The following MARCHF1 variants were observed in gnomAD, a reference collection of about 807,000 sequenced individuals.
MARCHF1 encodes the protein E3 ubiquitin-protein ligase MARCHF1.
Under a neutral mutation model 54.2 loss-of-function variants are expected in MARCHF1, and 40 were observed. The ratio of observed to expected loss-of-function variants is 0.74; its 90% CI spans 0.57 to 0.96. The LOEUF is 0.96. MARCHF1 is among the 40% of genes least tolerant of loss of function. The probability of loss-of-function intolerance (pLI) is 0.00; values close to 1 mark genes in which losing one functional copy is unlikely to be tolerated. For missense variants in MARCHF1, 586 were observed against 656.5 expected, an observed-to-expected ratio of 0.89 and a Z score of 1.17; for synonymous variants, 236 against 236.3, an observed-to-expected ratio of 1.00 and a Z score of 0.01.
At chr4:163,559,766 C>G (rs527342209) in intron 8 of MARCHF1, among the ~76,000 whole-genome samples, 145 of 152,288 alleles carry the variant, frequency 9.5e-4, no homozygotes, top group African/African-American at 3.2e-3. Flanking sequence ...AGGAGTGTCC[C>G]CTTCCTTGCC....
At chr4:164,181,772 T>C (rs2111015874) in intron 1 of MARCHF1, among the ~76,000 whole-genome samples, 1 of 152,324 alleles carries the variant, frequency 6.6e-6, no homozygotes, top group East Asian at 1.9e-4. Flanking sequence ...CTTAGATTTA[T>C]GATCTTCTTT....
At chr4:164,176,471 T>C (rs1432676255) in intron 1 of MARCHF1, among the ~76,000 whole-genome samples, 1 of 152,164 alleles carries the variant, frequency 6.6e-6, no homozygotes, top group Non-Finnish European at 1.5e-5. Context: ...AGTCATCCCA[T>C]TTTTAAATGA....
chr4:163,882,250 G>T (rs1456306883), intron 3 of MARCHF1, among the ~76,000 whole-genome samples: 4 of 152,186 alleles, frequency 2.6e-5, no homozygotes, highest in Non-Finnish European at 5.9e-5. Context: ...GGATTTGGGG[G>T]TAATAATTGG....
intron 4 of MARCHF1, among the ~76,000 whole-genome samples, chr4:163,800,816 T>G (rs995113300): frequency 1.3e-5 from 2 of 152,104 alleles, no homozygotes; most frequent in African/African-American, 4.8e-5. Context: ...AAAAAATCAT[T>G]GTAAACTTCC....
At chr4:164,312,208 T>G (rs1440841417) in intron 1 of MARCHF1, among the ~76,000 whole-genome samples, 1 of 152,146 alleles carries the variant, frequency 6.6e-6, no homozygotes, top group East Asian at 1.9e-4. Flanking sequence ...TCCCAGAAGC[T>G]TCATGACAAT....
intron 9 of MARCHF1, among the ~76,000 whole-genome samples, chr4:163,532,395 G>A (rs1030146750): frequency 2.0e-5 from 3 of 151,930 alleles, no homozygotes; most frequent in Middle Eastern, 3.4e-3. Context: ...GAATAAATGA[G>A]TCTGTAAACA....
chr4:163,994,711 T>C (rs1753033215), intron 2 of MARCHF1, among the ~76,000 whole-genome samples: 1 of 146,278 alleles, frequency 6.8e-6, no homozygotes, highest in Admixed American at 6.9e-5. Flanking sequence ...AAAGGAGTCC[T>C]GGACCTAACA....
At chr4:163,871,231 G>T (rs564362436) in intron 3 of MARCHF1, among the ~76,000 whole-genome samples, 109 of 152,202 alleles carry the variant, frequency 7.2e-4, no homozygotes, top group African/African-American at 2.4e-3. Context: ...GACAGAGAAG[G>T]TATTTTTCTT....
intron 1 of MARCHF1, among the ~76,000 whole-genome samples, chr4:164,176,975 T>C (rs1182216480): frequency 1.9e-4 from 4 of 20,730 alleles, no homozygotes; most frequent in African/African-American, 4.8e-4. Context: ...TCTCTCTCTC[T>C]CTCTCTATAT....
At chr4:164,018,722 T>C (rs1358115198) in intron 2 of MARCHF1, among the ~76,000 whole-genome samples, 1 of 152,212 alleles carries the variant, frequency 6.6e-6, no homozygotes. Flanking sequence ...TTGACATAAC[T>C]TCTTGATAAA....
At chr4:163,733,258 T>TATACACGTGTATATATATACACAC (rs1554008879) in intron 4 of MARCHF1, among the ~76,000 whole-genome samples, 1 of 45,066 alleles carries the variant, frequency 2.2e-5, no homozygotes, top group South Asian at 7.8e-4. Context: ...TATATATATA[T>TATACACGTGTATATATATACACAC]ACACACACAC....
intron 2 of MARCHF1, among the ~76,000 whole-genome samples, chr4:164,107,033 T>A (rs1278734498): frequency 6.6e-6 from 1 of 152,188 alleles, no homozygotes; most frequent in African/African-American, 2.4e-5. Context: ...AGCATCTTCA[T>A]AAAACCTAAA....
At chr4:163,651,525 CTT>C (rs66848288) in intron 5 of MARCHF1, among the ~76,000 whole-genome samples, 14 of 131,030 alleles carry the variant, frequency 1.1e-4, no homozygotes, top group Non-Finnish European at 1.5e-4. Flanking sequence ...AAGTACCATA[CTT>C]TTTTTTTTTT....
chr4:163,688,032 A>C (rs1359058641), intron 5 of MARCHF1, among the ~76,000 whole-genome samples: 1 of 152,206 alleles, frequency 6.6e-6, no homozygotes, highest in African/African-American at 2.4e-5. Context: ...AGTCAATCCA[A>C]ATAGGCTATG....
intron 1 of MARCHF1, chr4:164,234,754 A>C (rs1472389349): frequency 1.3e-5 from 2 of 152,118 alleles, no homozygotes; most frequent in Non-Finnish European, 2.9e-5. Context: ...CTTAAATCAA[A>C]GGCAGATATA....
At chr4:164,225,536 T>C (rs1256085982) in intron 1 of MARCHF1, among the ~76,000 whole-genome samples, 1 of 152,040 alleles carries the variant, frequency 6.6e-6, no homozygotes, top group African/African-American at 2.4e-5. Flanking sequence ...TAATTATTCC[T>C]TTTAGGTCAT....
chr4:163,741,460 G>A (rs1180130512), intron 4 of MARCHF1, among the ~76,000 whole-genome samples: 1 of 152,044 alleles, frequency 6.6e-6, no homozygotes, highest in East Asian at 1.9e-4. Context: ...GCACATGCCT[G>A]TAATCCCAGC....
intron 3 of MARCHF1, among the ~76,000 whole-genome samples, chr4:163,987,115 A>G (rs1433017003): frequency 6.6e-6 from 1 of 152,192 alleles, no homozygotes; most frequent in Non-Finnish European, 1.5e-5. Context: ...ACCTAACACC[A>G]ACAAACTTAA....
chr4:163,982,468 G>A (rs532815607), intron 3 of MARCHF1, among the ~76,000 whole-genome samples: 43 of 152,174 alleles, frequency 2.8e-4, no homozygotes, highest in Non-Finnish European at 5.7e-4. Flanking sequence ...TAAGCCAGTT[G>A]CTGCACAGGT....
Sources: gnomAD v4.1 joint callset for allele counts (sites outside exome capture counted in the v4.1 genomes callset) on GRCh38, gnomAD v4.1.1 for gene constraint, MANE v1.5 for transcripts, NCBI Gene and HGNC (gene_info 2026-07-23, HGNC 2026-07-21) for gene names.